PXDNL: variants seen among roughly 807,000 people sequenced by gnomAD.
PXDNL encodes peroxidasin like.
PXDNL carries 145 observed loss-of-function variants against 150.8 expected under a neutral mutation model. The ratio of observed to expected loss-of-function variants is 0.96; its 90% CI spans 0.84 to 1.10. PXDNL has a LOEUF of 1.10. Ranked by LOEUF, PXDNL falls within the 50% of genes least tolerant of loss-of-function variation. The pLI, the probability that PXDNL is intolerant of heterozygous loss-of-function variation, is 0.00. For missense variants in PXDNL, 2,087 were observed against 1,873.9 expected, an observed-to-expected ratio of 1.11 and a Z score of -2.10; for synonymous variants, 757 against 725.7, an observed-to-expected ratio of 1.04 and a Z score of -0.69.
rs1809209611 is a variant in PXDNL at position 51,429,878 on chromosome 8, T to C, written c.1526-3120A>G. Among the ~76,000 whole-genome samples the C allele has an allele frequency of 2.6e-5, 4 of 152,132 alleles. No individual in the cohort carries two copies. In the South Asian group the frequency reaches 8.3e-4, roughly 32 times the overall value. ...TTCAGTTCCTCTGTTGGAATCTTAT[T>C]TTTCTTATGTATTTAAATCACATGG... On this transcript the variant is annotated intron_variant, in intron 12 of 22. Transcript: ENST00000356297.
intron 2 of PXDNL, among the ~76,000 whole-genome samples, chr8:51,618,958 T>C (rs1189373782): frequency 1.3e-5 from 2 of 152,204 alleles, no homozygotes; most frequent in Non-Finnish European, 2.9e-5. Context: ...TTTCAAGAAG[T>C]ATTTCTAGAC....
chr8:51,600,641 T>C (rs1003450721), intron 2 of PXDNL, among the ~76,000 whole-genome samples: 196 of 138,010 alleles, frequency 1.4e-3, no homozygotes, highest in Admixed American at 2.1e-3. Flanking sequence ...AATTATATAG[T>C]TAGATAATAA....
intron 1 of PXDNL, among the ~76,000 whole-genome samples, chr8:51,755,530 G>C (rs183925030): frequency 6.6e-6 from 1 of 152,140 alleles, no homozygotes; most frequent in African/African-American, 2.4e-5. Context: ...GACCTCAGGT[G>C]ACCCACCTGC....
chr8:51,598,359 G>C (rs1813619892), intron 2 of PXDNL, among the ~76,000 whole-genome samples: 1 of 152,048 alleles, frequency 6.6e-6, no homozygotes, highest in Non-Finnish European at 1.5e-5. Context: ...GTATGATGTT[G>C]GCTGTGGGCT....
chr8:51,407,901 G>A (rs1808480248), intron 17 of PXDNL, among the ~76,000 whole-genome samples, 166 bp downstream of exon 17: 1 of 152,082 alleles, frequency 6.6e-6, no homozygotes, highest in African/African-American at 2.4e-5. Context: ...GGGGGATTTC[G>A]GTTTCTGGTG....
intron 1 of PXDNL, among the ~76,000 whole-genome samples, chr8:51,679,709 G>A (rs544078958): frequency 9.2e-5 from 14 of 152,178 alleles, no homozygotes; most frequent in Non-Finnish European, 1.3e-4. Context: ...TTTGGCATGT[G>A]GTGTAGTGTT....
chr8:51,592,253 T>G (rs1022772763), intron 3 of PXDNL, among the ~76,000 whole-genome samples: 2 of 152,210 alleles, frequency 1.3e-5, no homozygotes, highest in African/African-American at 4.8e-5. Flanking sequence ...CTTGGATAGA[T>G]ACTCTGTTGG....
chr8:51,733,265 C>T (rs1424922020), intron 1 of PXDNL, among the ~76,000 whole-genome samples: 5 of 152,176 alleles, frequency 3.3e-5, no homozygotes, highest in Non-Finnish European at 5.9e-5. Flanking sequence ...AGATAAGTAA[C>T]GTATTTTCCT....
At chr8:51,481,896 G>A (rs544708391) in intron 6 of PXDNL, among the ~76,000 whole-genome samples, 1 of 152,344 alleles carries the variant, frequency 6.6e-6, no homozygotes, top group Non-Finnish European at 1.5e-5. Context: ...GTTTGCTGCA[G>A]GGGTGGGGCC....
chr8:51,540,331 G>A (rs1284421251), intron 4 of PXDNL, among the ~76,000 whole-genome samples: 1 of 151,998 alleles, frequency 6.6e-6, no homozygotes, highest in Non-Finnish European at 1.5e-5. Context: ...ACTGATTTAG[G>A]TCTTTATTAA....
At chr8:51,759,817 C>G (rs2037142292) in intron 1 of PXDNL, among the ~76,000 whole-genome samples, 1 of 152,218 alleles carries the variant, frequency 6.6e-6, no homozygotes, top group Non-Finnish European at 1.5e-5. Context: ...TCATTTCCTG[C>G]CCAGTGAAAT....
intron 3 of PXDNL, among the ~76,000 whole-genome samples, chr8:51,558,457 A>G (rs1812641634): frequency 6.6e-6 from 1 of 152,078 alleles, no homozygotes; most frequent in Admixed American, 6.6e-5. Flanking sequence ...ACATGACTTC[A>G]AGGGTGTCAT....
At chr8:51,705,792 C>A (rs1000241853) in intron 1 of PXDNL, among the ~76,000 whole-genome samples, 22 of 151,154 alleles carry the variant, frequency 1.5e-4, no homozygotes, top group African/African-American at 4.4e-4. Flanking sequence ...CAGACAAACC[C>A]TCCTGGTGAA....
intron 9 of PXDNL, among the ~76,000 whole-genome samples, chr8:51,454,822 T>A (rs1341765447): frequency 6.6e-6 from 1 of 152,186 alleles, no homozygotes; most frequent in Non-Finnish European, 1.5e-5. Flanking sequence ...CACTCCTCCT[T>A]GTGTGCTCCT....
At chr8:51,736,955 G>C (rs995183176) in intron 1 of PXDNL, among the ~76,000 whole-genome samples, 1 of 152,144 alleles carries the variant, frequency 6.6e-6, no homozygotes, top group African/African-American at 2.4e-5. Flanking sequence ...TTATCCATAA[G>C]AGCGGTTGTT....
intron 2 of PXDNL, among the ~76,000 whole-genome samples, chr8:51,639,954 A>G (rs1240725198): frequency 2.0e-5 from 3 of 152,182 alleles, no homozygotes; most frequent in Non-Finnish European, 2.9e-5. Flanking sequence ...AAAATCCTCA[A>G]TAAAATACTG....
At chr8:51,568,233 G>C (rs1442011111) in intron 3 of PXDNL, among the ~76,000 whole-genome samples, 1 of 151,206 alleles carries the variant, frequency 6.6e-6, no homozygotes, top group Non-Finnish European at 1.5e-5. Flanking sequence ...ATAAGTCTGA[G>C]TTTCAGATCT....
intron 20 of PXDNL, among the ~76,000 whole-genome samples, chr8:51,344,221 C>A (rs1586017581): frequency 6.6e-6 from 1 of 152,024 alleles, no homozygotes; most frequent in African/African-American, 2.4e-5. Flanking sequence ...TTTCCTGCCT[C>A]AGCCTCCCTA....
chr8:51,673,346 G>T (rs929919542), intron 1 of PXDNL, among the ~76,000 whole-genome samples: 5 of 152,292 alleles, frequency 3.3e-5, no homozygotes, highest in Middle Eastern at 3.4e-3. Flanking sequence ...TTGCTGCAGG[G>T]TAGAAATATA....
Sources: gnomAD v4.1 joint callset for allele counts (sites outside exome capture counted in the v4.1 genomes callset) on GRCh38, gnomAD v4.1.1 for gene constraint, MANE v1.5 for transcripts, NCBI Gene and HGNC (gene_info 2026-07-23, HGNC 2026-07-21) for gene names.